GJB6: variants seen among roughly 807,000 people sequenced by gnomAD.
The protein encoded by GJB6 is gap junction protein beta 6, also known as gap junction beta-6 protein.
A neutral mutation model predicts 5.4 loss-of-function variants in GJB6; 5 were observed. The ratio of observed to expected loss-of-function variants is 0.92; its 90% CI spans 0.48 to 1.93. The LOEUF (loss-of-function observed/expected upper bound fraction) is 1.93. Among genes scored for constraint, GJB6 ranks in the 30% most tolerant of loss-of-function variants. The pLI is 0.01. For synonymous variants in GJB6, 136 were observed against 129.6 expected (o/e 1.05, Z -0.34); for missense variants, 298 against 326.9 (o/e 0.91, Z 0.68).
In GJB6 at chr13:20,222,480, T is replaced by C; in HGVS notation, c.*215A>G. On this transcript the variant is annotated 3_prime_UTR_variant, in exon 5 of 5. Transcript: ENST00000647029. ...TCAAAGTGACTGCAATGCTCCTTTG[T>C]CAAGCAGTCTCTTGTTTTCAGAGAT... 1.7e-6 allele frequency: 1 copy of C among 580,028 alleles called. No individual in the cohort carries two copies. 35.9% of individuals were successfully genotyped at this position (580,028 alleles called of 1,614,324 possible).
rs369732091 is a variant in GJB6 at position 20,227,671 on chromosome 13, C to T, written c.-16+1909G>A. Among the ~76,000 whole-genome samples, 320 of 152,300 alleles carry T rather than the reference C, an allele frequency of 2.1e-3. 2 individuals are homozygous for T. Among genetic ancestry groups the T allele is most frequent in the African/African-American group, 6.9e-3 (287 of 41,550 alleles). On this transcript the variant is annotated intron_variant, in intron 4 of 4. Coordinates refer to ENST00000647029, the MANE Select transcript of GJB6 (RefSeq NM_001110219.3). ...CAACCAGCTCCGGGGATCTGCCGTG[C>T]GTATCATTCTCTGCAGGCCAACAGC...
rs1366053757 is a variant in GJB6 at position 20,222,550 on chromosome 13, C to T, written c.*145G>A. On this transcript the variant is annotated 3_prime_UTR_variant, in exon 5 of 5. Coordinates refer to ENST00000647029, the MANE Select transcript of GJB6 (RefSeq NM_001110219.3). ...GTTGTGTATGAATGGAGCAAGTATC[C>T]TACAAAAAGTTAACTCAAGTGTCTA... is the stretch of plus-strand genomic sequence containing the variant. 1.4e-5 allele frequency: 10 copies of T among 695,328 alleles called. No homozygotes were observed. The East Asian group carries it at 2.3e-4, about 16-fold the overall frequency. The allele number at this position is 695,328 out of a possible 1,614,324, so 43.1% of individuals were successfully genotyped here.
In GJB6 at chr13:20,222,359, G is replaced by A. The variant is rs374503686; in HGVS notation, c.*336C>T. On this transcript the variant is annotated 3_prime_UTR_variant, in exon 5 of 5. Transcript: ENST00000647029. ...ATAAAAATATCTTTTCCTAATAAAC[G>A]TATCAATTCCTGGATAAATGTTCCT... The A allele has an allele frequency of 7.3e-5, 17 of 231,510 alleles. No homozygotes were observed. The highest frequency in any genetic ancestry group is 1.8e-4 in the African/African-American group (8 of 43,810). The allele number at this position is 231,510 out of a possible 1,614,324, so 14.3% of individuals were successfully genotyped here. A position where few individuals can be genotyped will look rare whatever the true frequency, so the allele number is the denominator to read the frequency against.
At position 20,223,485 on chromosome 13, in the gene GJB6, C is replaced by T. The variant is rs1163187282; in HGVS notation, c.-5G>A. 1 of 1,613,762 alleles carries T rather than the reference C, an allele frequency of 6.2e-7. No homozygotes were observed. The highest frequency in any genetic ancestry group is 8.5e-7 in the Non-Finnish European group (1 of 1,179,694). On this transcript the variant is annotated 5_prime_UTR_variant, in exon 5 of 5. Transcript: ENST00000647029. Reference sequence around the variant, plus strand: ...GTGCAGCGTCCCCCAATCCATTGCGCTGGTTTATCCCTAAACAGACAAAAG... The same window carrying T: ...GTGCAGCGTCCCCCAATCCATTGCGTTGGTTTATCCCTAAACAGACAAAAG...
chr13:20,227,375 TTAAATCCAATACAAGTGTGTCTAACTCC>T lies in GJB6; in HGVS notation c.-16+2177_-16+2204del, dbSNP rs1482555406. 2.0e-5 allele frequency among the ~76,000 whole-genome samples: 3 copies of T among 151,934 alleles called. No homozygotes were observed. In the East Asian group the frequency reaches 5.8e-4, roughly 29 times the overall value. On this transcript the variant is annotated intron_variant, in intron 4 of 4. Transcript: ENST00000647029. ...GCCGAGCTTGCTGAGAAAAATGAGG[TTAAATCCAATACAAGTGTGTCTAACTCC>T]CCGGTCACTCAGGACAGTCTCCTGG...
intron 4 of GJB6, among the ~76,000 whole-genome samples, chr13:20,228,661 T>A (rs1050826436): frequency 1.3e-5 from 2 of 150,870 alleles, no homozygotes; most frequent in African/African-American, 4.9e-5. Flanking sequence ...ATTTTTTGTA[T>A]TTTTAGTAGA....
intron 4 of GJB6, among the ~76,000 whole-genome samples, chr13:20,227,011 G>A (rs923097054): frequency 6.6e-6 from 1 of 152,096 alleles, no homozygotes; most frequent in Non-Finnish European, 1.5e-5. Flanking sequence ...GACATGGCCT[G>A]GATGATTCTG....
At chr13:20,224,425 C>G (rs1314398114) in intron 4 of GJB6, among the ~76,000 whole-genome samples, 4 of 152,140 alleles carry the variant, frequency 2.6e-5, no homozygotes, top group Admixed American at 1.3e-4. Context: ...GATTCACAAT[C>G]TTTTATAAAG....
At position 20,223,406 on chromosome 13, in the gene GJB6, G is replaced by T. The variant is rs1428463920; in HGVS notation, c.75C>A (p.Ile25=). Residue 25 remains isoleucine, a synonymous_variant, in exon 5 of 5, where the codon ATC becomes ATA. Coordinates refer to ENST00000647029, the MANE Select transcript of GJB6 (RefSeq NM_001110219.3). ...KHSTSIGKVW[I]TVIFIFRVMI... ...TGACTCGGAAAATAAAGATGACTGTGATCCACACCTTCCCGATGCTGGTGG... is the reference window on the plus strand; with the variant it reads ...TGACTCGGAAAATAAAGATGACTGTTATCCACACCTTCCCGATGCTGGTGG... The T allele has an allele frequency of 6.2e-7, 1 of 1,614,106 alleles. No individual in the cohort carries two copies. The highest frequency in any genetic ancestry group is 8.5e-7 in the Non-Finnish European group (1 of 1,179,948).
In GJB6 at chr13:20,223,433, GT is replaced by G. The variant is rs1345877924; in HGVS notation, c.47del (p.His16ProfsTer19). On this transcript the variant is annotated frameshift_variant, in exon 5 of 5. Transcript: ENST00000647029. LOFTEE classifies it high-confidence loss of function. ...TCCACACCTTCCCGATGCTGGTGGAGTGTTTGTTGACACCCCCGATGAAAGT... is the reference window on the plus strand; with the variant it reads ...TCCACACCTTCCCGATGCTGGTGGAGGTTTGTTGACACCCCCGATGAAAGT... The part of the protein sequence containing the change: ...LHTFIGGVNK[H>X]STSIGKVWIT... 6.2e-7 allele frequency: 1 copy of G among 1,614,132 alleles called. No individual in the cohort carries two copies. Among genetic ancestry groups the G allele is most frequent in the Non-Finnish European group, 8.5e-7 (1 of 1,179,948 alleles).
At chr13:20,228,645 C>G (rs761796358) in intron 4 of GJB6, among the ~76,000 whole-genome samples, 62 of 150,574 alleles carry the variant, frequency 4.1e-4, no homozygotes, top group Non-Finnish European at 6.2e-4. Flanking sequence ...CCACCAAGCC[C>G]GGCTAATTTT....
chr13:20,227,637 G>A (rs1257776682), intron 4 of GJB6, among the ~76,000 whole-genome samples: 1 of 152,190 alleles, frequency 6.6e-6, no homozygotes, highest in African/African-American at 2.4e-5. Flanking sequence ...TCACACCTGA[G>A]GGGCTCACCA....
chr13:20,228,033 T>TA (rs2137347849), intron 4 of GJB6, among the ~76,000 whole-genome samples: 1 of 152,318 alleles, frequency 6.6e-6, no homozygotes, highest in African/African-American at 2.4e-5. Context: ...TTCTCCCTTG[T>TA]AAAAACACAT....
At chr13:20,229,416 A>C (rs1869912225) in intron 4 of GJB6, among the ~76,000 whole-genome samples, 164 bp downstream of exon 4, 1 of 147,788 alleles carries the variant, frequency 6.8e-6, no homozygotes, top group Admixed American at 6.8e-5. Flanking sequence ...CGGCCTCCCA[A>C]AGTGTTGGGA....
At chr13:20,229,123 C>CAAAAAAAAAAAAAAAAAAA (rs5802041) in intron 4 of GJB6, among the ~76,000 whole-genome samples, 5 of 43,876 alleles carry the variant, frequency 1.1e-4, no homozygotes, top group African/African-American at 4.9e-4. Context: ...TGTCATTTAG[C>CAAAAAAAAAAAAAAAAAAA]AAAAAAAAAA....
At chr13:20,229,150 A>AAAAAAAAAAAT (rs1869874003) in intron 4 of GJB6, among the ~76,000 whole-genome samples, 7 of 62,184 alleles carry the variant, frequency 1.1e-4, no homozygotes, top group African/African-American at 4.8e-4. Flanking sequence ...AAAAAAAAAA[A>AAAAAAAAAAAT]TTTTTTTTTT....
intron 4 of GJB6, among the ~76,000 whole-genome samples, chr13:20,224,426 T>A (rs1869439270): frequency 6.6e-6 from 1 of 152,248 alleles, no homozygotes; most frequent in South Asian, 2.1e-4. Context: ...ATTCACAATC[T>A]TTTATAAAGA....
intron 4 of GJB6, among the ~76,000 whole-genome samples, chr13:20,226,233 T>C (rs999596697): frequency 5.9e-4 from 89 of 150,526 alleles, no homozygotes; most frequent in African/African-American, 2.2e-3. Context: ...CCTGCGTGGA[T>C]CTAGGACTAA....
In GJB6 at chr13:20,222,862, C is replaced by G; in HGVS notation, c.619G>C (p.Val207Leu). 1 of 1,614,118 alleles carries G rather than the reference C, an allele frequency of 6.2e-7. No homozygotes were observed. Among genetic ancestry groups the G allele is most frequent in the Non-Finnish European group, 8.5e-7 (1 of 1,180,040 alleles). ...AGCAGCAGGTAGCACAACTCTGCCA[C>G]GTTAAGCAGCATGCAAATCACAGAC... is the stretch of plus-strand genomic sequence containing the variant. ...SASVICMLLN[V>L]AELCYLLLKV... is the part of the protein sequence containing the mutation. The change falls in exon 5 of 5, where the codon GTG (valine) becomes CTG (leucine). Residue 207 changes from valine (V) to leucine (L), a missense_variant. Transcript: ENST00000647029.
Sources: allele counts gnomAD v4.1 joint callset (sites outside exome capture counted in the v4.1 genomes callset), GRCh38; gene constraint gnomAD v4.1.1; transcripts MANE v1.5; gene names NCBI Gene and HGNC (gene_info 2026-07-23, HGNC 2026-07-21).